The following NECTIN2 variants were observed in gnomAD, a reference collection of about 807,000 sequenced individuals.
The protein encoded by NECTIN2 is nectin-2.
Under a neutral mutation model 56.9 loss-of-function variants are expected in NECTIN2, and 23 were observed. The ratio of observed to expected loss-of-function variants is 0.40; its 90% CI spans 0.29 to 0.57. NECTIN2 has a LOEUF of 0.57. Ranked by LOEUF, NECTIN2 falls within the 20% of genes least tolerant of loss-of-function variation. The pLI is 0.38. For synonymous variants in NECTIN2, 302 were observed against 313.8 expected, an observed-to-expected ratio of 0.96 and a Z score of 0.40; for missense variants, 587 against 718.3, an observed-to-expected ratio of 0.82 and a Z score of 2.09.
intron 6 of NECTIN2, among the ~76,000 whole-genome samples, chr19:44,883,791 C>CTCTA (rs1217070698): frequency 6.6e-6 from 1 of 152,126 alleles, no homozygotes; most frequent in Non-Finnish European, 1.5e-5. Flanking sequence ...TGCCACTGCA[C>CTCTA]TCTAGCCCAG....
chr19:44,865,458 C>T lies in NECTIN2; in HGVS notation c.276C>T (p.Ser92=), dbSNP rs374284287. The change falls in exon 2 of 9, where the codon AGC becomes AGT. Residue 92 remains serine, a synonymous_variant. Coordinates refer to ENST00000252483, the MANE Select transcript of NECTIN2 (RefSeq NM_001042724.2). This position sits in a 1 kb window ranked among gnomAD's most constrained non-coding sequence, Gnocchi z 5.2. ...VAAFHPKMGP[S]FPSPKPGSER... ...CCTTCCACCCTAAGATGGGTCCCAG[C>T]TTCCCCAGCCCGAAGCCTGGCAGCG... 145 of 1,614,038 alleles carry T rather than the reference C, an allele frequency of 9.0e-5. 1 individual carries two copies. Among genetic ancestry groups the T allele is most frequent in the South Asian group, 8.6e-4 (78 of 91,076 alleles).
At chr19:44,880,704 G>A (rs1969298767) in intron 5 of NECTIN2, among the ~76,000 whole-genome samples, 4 of 149,842 alleles carry the variant, frequency 2.7e-5, no homozygotes, top group Admixed American at 6.7e-5. Flanking sequence ...TCAAGCGATC[G>A]ATCCTCCCAC....
intron 1 of NECTIN2, 149 bp downstream of exon 1, chr19:44,846,762 G>C (rs1968840186): frequency 1.3e-6 from 1 of 798,690 alleles, no homozygotes; most frequent in Admixed American, 4.1e-5. Flanking sequence ...CACAGACTCC[G>C]ACCCCCTACA....
intron 1 of NECTIN2, among the ~76,000 whole-genome samples, chr19:44,859,888 C>T (rs1271707778): frequency 6.6e-6 from 1 of 151,306 alleles, no homozygotes; most frequent in Non-Finnish European, 1.5e-5. Flanking sequence ...CATGCGTCCA[C>T]ATAAAAACTT....
Position 44,865,707 on chromosome 19 carries a change from G to A in NECTIN2, c.478+47G>A, listed in dbSNP as rs1344738563. 1 of 1,464,506 alleles carries A rather than the reference G, an allele frequency of 6.8e-7. No homozygotes were observed. Among genetic ancestry groups the A allele is most frequent in the Admixed American group, 2.3e-5 (1 of 44,036 alleles). 90.7% of individuals were successfully genotyped at this position (1,464,506 alleles called of 1,614,324 possible). ...GGCAAGGAGGTGGGAGGGCCGCGGT[G>A]TGGGAGCATCCCCTTGCGGGTCAGT... is the stretch of plus-strand genomic sequence containing the variant. On this transcript the variant is annotated intron_variant, in intron 2 of 8. Transcript: ENST00000252483. This position sits in a 1 kb window ranked among gnomAD's most constrained non-coding sequence, Gnocchi z 5.2.
chr19:44,867,222 A>C (rs1316980037), intron 2 of NECTIN2, among the ~76,000 whole-genome samples: 1 of 151,934 alleles, frequency 6.6e-6, no homozygotes, highest in Non-Finnish European at 1.5e-5. Context: ...GGGTTGCACC[A>C]TGTTGGCCAG....
At chr19:44,876,021 T>G (rs1325720013) in intron 5 of NECTIN2, among the ~76,000 whole-genome samples, 2 of 152,086 alleles carry the variant, frequency 1.3e-5, no homozygotes, top group Non-Finnish European at 2.9e-5. Flanking sequence ...CATCCCTCAC[T>G]CACAGACCCT....
At chr19:44,882,926 C>T (rs570594751) in intron 6 of NECTIN2, among the ~76,000 whole-genome samples, 183 of 151,238 alleles carry the variant, frequency 1.2e-3, no homozygotes, top group African/African-American at 3.5e-3. Flanking sequence ...GGAATACAGG[C>T]GCCCACCACC....
rs1966960 is a variant in NECTIN2, at chr19:44,885,941, G to C, written c.1201G>C (p.Glu401Gln). Reference sequence around the variant, plus strand: ...GTCCTACCTCCTACCCCACAGCCTGGAGGGACCTCCCTCCTACAAGCCACC... The same window carrying C: ...GTCCTACCTCCTACCCCACAGCCTGCAGGGACCTCCCTCCTACAAGCCACC... ...LQGAEEDEDL[E>Q]GPPSYKPPTP... Residue 401 changes from glutamate (E) to glutamine (Q), a missense_variant, in exon 7 of 9, where the codon GAG becomes CAG. By Grantham distance (29) the Glu-to-Gln change is conservative. Transcript: ENST00000252483. 1,320 of 1,582,774 alleles carry C rather than the reference G, an allele frequency of 8.3e-4. 8 individuals are homozygous for C. The African/African-American group carries it at 0.016, about 19-fold the overall frequency.
At position 44,847,397 on chromosome 19, in the gene NECTIN2, G is replaced by C. The variant is rs560254249; in HGVS notation, c.88+784G>C. Among the ~76,000 whole-genome samples, 206 of 152,220 alleles carry C rather than the reference G, an allele frequency of 1.4e-3. 1 individual carries two copies. The highest frequency in any genetic ancestry group is 4.8e-3 in the African/African-American group (199 of 41,542). ...GCTTCTGGATTTAATTGTGGGCAGG[G>C]GGCTTCGTTTTCAGGGTTCCCGGCA... is the stretch of plus-strand genomic sequence containing the variant. On this transcript the variant is annotated intron_variant, in intron 1 of 8. Coordinates refer to ENST00000252483, the MANE Select transcript of NECTIN2 (RefSeq NM_001042724.2).
intron 1 of NECTIN2, among the ~76,000 whole-genome samples, chr19:44,852,984 C>T (rs533197218): frequency 2.6e-5 from 4 of 151,902 alleles, no homozygotes; most frequent in Admixed American, 6.6e-5. Context: ...TGGTGGTGCC[C>T]GCCTGTAGTC....
At chr19:44,881,523 C>T (rs757951252) in intron 5 of NECTIN2, among the ~76,000 whole-genome samples, 3 of 81,676 alleles carry the variant, frequency 3.7e-5, no homozygotes, top group Non-Finnish European at 7.7e-5. Context: ...CAAAAAAATT[C>T]AAAAAAAAAA....
intron 6 of NECTIN2, among the ~76,000 whole-genome samples, chr19:44,883,988 C>A (rs1242958073): frequency 6.6e-6 from 1 of 151,760 alleles, no homozygotes; most frequent in Non-Finnish European, 1.5e-5. Context: ...ACCTGGTAGC[C>A]CATGCCTGTA....
chr19:44,879,482 G>GT (rs886241420), intron 5 of NECTIN2, among the ~76,000 whole-genome samples: 26 of 152,120 alleles, frequency 1.7e-4, no homozygotes, highest in Middle Eastern at 3.4e-3. Flanking sequence ...CAGGCGGGGG[G>GT]TGCTGGGGAA....
chr19:44,883,397 C>A lies in NECTIN2; in HGVS notation c.1196+1033C>A, dbSNP rs368954302. 1.2e-3 allele frequency among the ~76,000 whole-genome samples: 181 copies of A among 152,314 alleles called. 1 individual carries two copies. Among genetic ancestry groups the A allele is most frequent in the African/African-American group, 3.8e-3 (158 of 41,564 alleles). ...TCAAGCGATTCTCCAGCCTCAGCCT[C>A]TCGAGTAGCTGGGATTACAGATGCG... is the stretch of plus-strand genomic sequence containing the variant. On this transcript the variant is annotated intron_variant, in intron 6 of 8. Transcript: ENST00000252483.
At chr19:44,881,151 G>A (rs1036940672) in intron 5 of NECTIN2, among the ~76,000 whole-genome samples, 5 of 151,380 alleles carry the variant, frequency 3.3e-5, no homozygotes, top group African/African-American at 1.2e-4. Flanking sequence ...TGAACAATCC[G>A]CCCGCCTCGC....
At chr19:44,879,150 G>C (rs1030068034) in intron 5 of NECTIN2, among the ~76,000 whole-genome samples, 1 of 152,084 alleles carries the variant, frequency 6.6e-6, no homozygotes, top group East Asian at 1.9e-4. Context: ...CGCAAGGCTC[G>C]TGCAACTAGG....
At chr19:44,861,870 AAT>A (rs1969035359) in intron 1 of NECTIN2, among the ~76,000 whole-genome samples, 1 of 152,206 alleles carries the variant, frequency 6.6e-6, no homozygotes, top group African/African-American at 2.4e-5. Context: ...GTTGTGGAGA[AAT>A]AGGAATGCTT....
intron 1 of NECTIN2, among the ~76,000 whole-genome samples, chr19:44,861,766 C>T (rs866705109): frequency 6.6e-6 from 1 of 152,134 alleles, no homozygotes; most frequent in Non-Finnish European, 1.5e-5. Flanking sequence ...CATCACTGAT[C>T]GTTGAGAAAT....
Sources: allele counts gnomAD v4.1 joint callset (sites outside exome capture counted in the v4.1 genomes callset), GRCh38; gene constraint gnomAD v4.1.1; non-coding constraint Gnocchi (gnomAD v3.1); transcripts MANE v1.5; gene names NCBI Gene and HGNC (gene_info 2026-07-23, HGNC 2026-07-21).